SEMA3D: variants seen among roughly 807,000 people sequenced by gnomAD.
SEMA3D encodes semaphorin-3D.
A neutral mutation model predicts 100.1 loss-of-function variants in SEMA3D; 84 were observed. The ratio of observed to expected loss-of-function variants is 0.84; its 90% confidence interval spans 0.70 to 1.01. The LOEUF (loss-of-function observed/expected upper bound fraction) is 1.01, where lower values mean the gene tolerates loss of function less well. SEMA3D is among the 50% of genes least tolerant of loss of function. The probability of loss-of-function intolerance (pLI) is 0.00; values close to 1 mark genes in which losing one functional copy is unlikely to be tolerated. For synonymous variants in SEMA3D, 312 were observed against 320.7 expected, an observed-to-expected ratio of 0.97 and a Z score of 0.29; for missense variants, 875 against 934.1, an observed-to-expected ratio of 0.94 and a Z score of 0.82.
intron 1 of SEMA3D, chr7:85,157,752 C>T (rs922202071): frequency 1.7e-5 from 7 of 414,428 alleles, no homozygotes; most frequent in Admixed American, 6.4e-5. Context: ...ACAGTCTTCA[C>T]GTTTTCACTT....
intron 1 of SEMA3D, among the ~76,000 whole-genome samples, chr7:85,155,761 A>G (rs1790576695): frequency 6.6e-6 from 1 of 152,194 alleles, no homozygotes; most frequent in Non-Finnish European, 1.5e-5. Flanking sequence ...AACATTTAAT[A>G]TTGCCAGAGA....
At chr7:85,124,780 T>C (rs984268537) in intron 2 of SEMA3D, among the ~76,000 whole-genome samples, 7 of 152,072 alleles carry the variant, frequency 4.6e-5, no homozygotes, top group Admixed American at 3.3e-4. Context: ...TTCAGTGGCA[T>C]AGAACAGAAG....
chr7:85,233,366 T>A, the SEMA3D span, among the ~76,000 whole-genome samples: 1 of 152,186 alleles, frequency 6.6e-6, no homozygotes, highest in South Asian at 2.1e-4. Flanking sequence ...TTTCCAGTGA[T>A]CAAGTTCGAA....
intron 9 of SEMA3D, among the ~76,000 whole-genome samples, chr7:85,052,675 T>G (rs1274237676): frequency 6.6e-6 from 1 of 151,934 alleles, no homozygotes; most frequent in African/African-American, 2.4e-5. Context: ...CACATCACAT[T>G]ATGATTATTT....
chr7:85,114,109 G>A (rs1042997136), intron 3 of SEMA3D, among the ~76,000 whole-genome samples: 1 of 152,120 alleles, frequency 6.6e-6, no homozygotes, highest in Non-Finnish European at 1.5e-5. Flanking sequence ...TGTCATGAGA[G>A]ACAAAATGAA....
chr7:85,136,215 G>A (rs1269410982), intron 2 of SEMA3D, among the ~76,000 whole-genome samples: 1 of 152,104 alleles, frequency 6.6e-6, no homozygotes, highest in Non-Finnish European at 1.5e-5. Context: ...ATAAAACAAT[G>A]AGAAAAAGAT....
chr7:85,024,167 T>C (rs1008375888), intron 12 of SEMA3D, among the ~76,000 whole-genome samples: 3 of 151,940 alleles, frequency 2.0e-5, no homozygotes, highest in African/African-American at 7.2e-5. Context: ...AAAATGGATA[T>C]GGAGCTCAAA....
At chr7:85,052,658 A>G (rs1449896135) in intron 9 of SEMA3D, among the ~76,000 whole-genome samples, 1 of 151,718 alleles carries the variant, frequency 6.6e-6, no homozygotes, top group Non-Finnish European at 1.5e-5. Context: ...TTAGCTCATA[A>G]CTCTATCACA....
chr7:85,038,643 C>T (rs1562792865), intron 11 of SEMA3D, among the ~76,000 whole-genome samples: 2 of 152,054 alleles, frequency 1.3e-5, no homozygotes, highest in African/African-American at 4.8e-5. Flanking sequence ...GGCACATATC[C>T]GTGCCTTGTG....
intron 9 of SEMA3D, among the ~76,000 whole-genome samples, chr7:85,051,335 G>C (rs1791159211): frequency 6.6e-6 from 1 of 151,834 alleles, no homozygotes; most frequent in Admixed American, 6.6e-5. Flanking sequence ...CTAATACCTA[G>C]TCTTTAATCA....
Position 85,021,734 on chromosome 7 carries a change from T to C in SEMA3D, c.1414+657A>G, listed in dbSNP as rs143746710. Reference sequence around the variant, plus strand: ...ACAGTGCTTTTGTTTTAATGATACATGTTATCTTTACTGCCAGTAGAATTC... The same window carrying C: ...ACAGTGCTTTTGTTTTAATGATACACGTTATCTTTACTGCCAGTAGAATTC... On this transcript the variant is annotated intron_variant, in intron 13 of 18. Coordinates refer to ENST00000284136, the MANE Select transcript of SEMA3D (RefSeq NM_001384900.1). Among the ~76,000 whole-genome samples, 855 of 151,970 alleles carry C rather than the reference T, an allele frequency of 5.6e-3. 12 individuals are homozygous for C. Among genetic ancestry groups the C allele is most frequent in the African/African-American group, 0.019 (777 of 41,522 alleles).
chr7:85,239,192 A>G, the SEMA3D span, among the ~76,000 whole-genome samples: 1 of 152,126 alleles, frequency 6.6e-6, no homozygotes, highest in East Asian at 1.9e-4. Flanking sequence ...TACGGTTTAA[A>G]TGTATCCCCT....
intron 1 of SEMA3D, among the ~76,000 whole-genome samples, chr7:85,182,051 G>A (rs533435439): frequency 5.3e-5 from 8 of 152,002 alleles, no homozygotes; most frequent in East Asian, 3.9e-4. Flanking sequence ...GTTTATCAGC[G>A]TATTTCTTGG....
chr7:85,110,778 C>A (rs1002909346), intron 3 of SEMA3D, among the ~76,000 whole-genome samples: 1 of 151,974 alleles, frequency 6.6e-6, no homozygotes, highest in South Asian at 2.1e-4. Context: ...TAAAACAAGT[C>A]TCTTGATCTC....
At chr7:85,211,102 T>C in the SEMA3D span, among the ~76,000 whole-genome samples, 2 of 152,064 alleles carry the variant, frequency 1.3e-5, no homozygotes, top group Non-Finnish European at 2.9e-5. Context: ...CAATTTAGTG[T>C]CTTATACGGA....
In SEMA3D at chr7:85,107,650, C is replaced by CA. The variant is rs144371111; in HGVS notation, c.152-9686dup. 7.5e-3 allele frequency among the ~76,000 whole-genome samples: 1,142 copies of CA among 152,076 alleles called. 12 individuals are homozygous for CA. Among genetic ancestry groups the CA allele is most frequent in the African/African-American group, 0.026 (1,067 of 41,500 alleles). On this transcript the variant is annotated intron_variant, in intron 3 of 18. Transcript: ENST00000284136. The stretch of plus-strand genomic sequence containing the variant: ...CTGATCTCATTGATTTTAATGACTT[C>CA]AATGAAATGATCTAATCCTCAGGCT...
At chr7:85,171,527 G>A (rs1791081635) in intron 1 of SEMA3D, among the ~76,000 whole-genome samples, 1 of 151,842 alleles carries the variant, frequency 6.6e-6, no homozygotes, top group Admixed American at 6.6e-5. Flanking sequence ...CTATGGACCT[G>A]GAACAACCAT....
intron 1 of SEMA3D, among the ~76,000 whole-genome samples, chr7:85,182,927 A>C (rs1265065220): frequency 6.6e-6 from 1 of 152,206 alleles, no homozygotes; most frequent in Non-Finnish European, 1.5e-5. Flanking sequence ...GTTCATGAAG[A>C]AAATTATTTA....
intron 3 of SEMA3D, among the ~76,000 whole-genome samples, chr7:85,109,138 T>C (rs1238724955): frequency 2.0e-5 from 3 of 151,944 alleles, no homozygotes; most frequent in Non-Finnish European, 2.9e-5. Flanking sequence ...ACAACCTCCA[T>C]TTTGTGGTTT....
Sources: gnomAD v4.1 joint callset for allele counts (sites outside exome capture counted in the v4.1 genomes callset) on GRCh38, gnomAD v4.1.1 for gene constraint, MANE v1.5 for transcripts, NCBI Gene and HGNC (gene_info 2026-07-23, HGNC 2026-07-21) for gene names.